CERS6: variants seen among roughly 807,000 people sequenced by gnomAD.
CERS6 encodes ceramide synthase 6, also known as LAG1 homolog, ceramide synthase 6.
Under a neutral mutation model 56.8 loss-of-function variants are expected in CERS6, and 26 were observed. The observed-to-expected ratio is 0.46, with a 90% CI of 0.34 to 0.63. The LOEUF is 0.63. CERS6 is among the 30% of genes least tolerant of loss of function. The probability of loss-of-function intolerance (pLI) is 0.01; values close to 1 mark genes in which losing one functional copy is unlikely to be tolerated. For synonymous variants in CERS6, 164 were observed against 173.3 expected (o/e 0.95, Z 0.42); for missense variants, 415 against 467.5 (o/e 0.89, Z 1.04).
chr2:168,526,717 C>T (rs1695078194), intron 1 of CERS6, among the ~76,000 whole-genome samples: 1 of 152,226 alleles, frequency 6.6e-6, no homozygotes, highest in African/African-American at 2.4e-5. Flanking sequence ...CTTCTTAATA[C>T]AAACAGTAAA....
intron 8 of CERS6, among the ~76,000 whole-genome samples, chr2:168,742,281 A>C (rs1683935766): frequency 6.6e-6 from 1 of 152,210 alleles, no homozygotes; most frequent in Admixed American, 6.5e-5. Flanking sequence ...GTTTTTGCTA[A>C]AACTAAAGTC....
intron 1 of CERS6, among the ~76,000 whole-genome samples, chr2:168,524,858 A>G (rs891878023): frequency 6.6e-6 from 1 of 151,290 alleles, no homozygotes; most frequent in African/African-American, 2.4e-5. Context: ...ATATTAATAT[A>G]TATTTTAACT....
At chr2:168,541,469 A>G (rs892982390) in intron 1 of CERS6, among the ~76,000 whole-genome samples, 3 of 137,476 alleles carry the variant, frequency 2.2e-5, no homozygotes, top group African/African-American at 8.1e-5. Flanking sequence ...TTATTTCTCC[A>G]TTTTTTCTTT....
At chr2:168,522,002 T>C (rs1694991799) in intron 1 of CERS6, among the ~76,000 whole-genome samples, 1 of 152,236 alleles carries the variant, frequency 6.6e-6, no homozygotes, top group South Asian at 2.1e-4. Context: ...TGTAGATGTA[T>C]TATCTTTAAG....
chr2:168,622,833 A>G (rs1684505213), intron 3 of CERS6, among the ~76,000 whole-genome samples: 1 of 152,250 alleles, frequency 6.6e-6, no homozygotes, highest in Non-Finnish European at 1.5e-5. Context: ...TAACCTGTCT[A>G]ACGGATGAGT....
chr2:168,555,719 A>ACTCT (rs201192319), intron 2 of CERS6, among the ~76,000 whole-genome samples: 18 of 86,312 alleles, frequency 2.1e-4, no homozygotes, highest in African/African-American at 1.1e-3. Context: ...AGTATAATTG[A>ACTCT]CTCTGTGTGT....
At chr2:168,492,468 T>G (rs964732487) in intron 1 of CERS6, among the ~76,000 whole-genome samples, 1 of 152,190 alleles carries the variant, frequency 6.6e-6, no homozygotes, top group African/African-American at 2.4e-5. Flanking sequence ...TGGGGTTGTT[T>G]TTTTCTTGTA....
intron 1 of CERS6, among the ~76,000 whole-genome samples, chr2:168,515,635 C>T (rs551161016): frequency 5.3e-4 from 76 of 144,638 alleles, no homozygotes; most frequent in African/African-American, 2.1e-3. Context: ...TAAAAGGAGA[C>T]TTTGACAAGT....
intron 8 of CERS6, among the ~76,000 whole-genome samples, chr2:168,744,664 A>G (rs943563436): frequency 4.6e-5 from 7 of 152,228 alleles, no homozygotes; most frequent in Non-Finnish European, 1.0e-4. Flanking sequence ...GAGGAGGAGG[A>G]CAAAATTTAA....
At chr2:168,672,844 G>C (rs764732506) in intron 4 of CERS6, among the ~76,000 whole-genome samples, 25 of 152,182 alleles carry the variant, frequency 1.6e-4, no homozygotes, top group Non-Finnish European at 3.4e-4. Context: ...AATTTTGGAA[G>C]ATGAGAAGCT....
At chr2:168,597,393 G>A (rs1329984389) in intron 3 of CERS6, among the ~76,000 whole-genome samples, 9 of 152,106 alleles carry the variant, frequency 5.9e-5, no homozygotes, top group Non-Finnish European at 1.2e-4. Context: ...CCATGGACAG[G>A]CCAGGGGTTC....
At chr2:168,547,039 A>G (rs539164965) in intron 1 of CERS6, among the ~76,000 whole-genome samples, 5 of 152,298 alleles carry the variant, frequency 3.3e-5, no homozygotes, top group East Asian at 3.9e-4. Context: ...GACATCCTTC[A>G]TTACTCTTTA....
intron 4 of CERS6, among the ~76,000 whole-genome samples, chr2:168,666,827 A>G (rs1049421387): frequency 6.6e-6 from 1 of 152,152 alleles, no homozygotes; most frequent in Non-Finnish European, 1.5e-5. Flanking sequence ...CCATATTCCA[A>G]TGCTGTGTAT....
chr2:168,549,092 A>T (rs1695518492), intron 2 of CERS6, among the ~76,000 whole-genome samples: 1 of 152,110 alleles, frequency 6.6e-6, no homozygotes, highest in African/African-American at 2.4e-5. Context: ...TGTAAGTGTG[A>T]TTATAACATA....
At chr2:168,723,751 C>T (rs1002998450) in intron 8 of CERS6, among the ~76,000 whole-genome samples, 4 of 152,202 alleles carry the variant, frequency 2.6e-5, no homozygotes, top group Non-Finnish European at 4.4e-5. Flanking sequence ...CATCTTCTCA[C>T]ATTTTACTAA....
intron 4 of CERS6, among the ~76,000 whole-genome samples, chr2:168,647,652 C>T (rs947286570): frequency 6.6e-6 from 1 of 152,158 alleles, no homozygotes; most frequent in Non-Finnish European, 1.5e-5. Context: ...GTGGGTTTGT[C>T]ATAGATGGCT....
At chr2:168,652,236 A>T (rs1005875436) in intron 4 of CERS6, among the ~76,000 whole-genome samples, 3 of 152,184 alleles carry the variant, frequency 2.0e-5, no homozygotes, top group African/African-American at 7.2e-5. Context: ...CACTAATTTC[A>T]TAATTTTCCC....
At chr2:168,513,380 T>C (rs1694829568) in intron 1 of CERS6, among the ~76,000 whole-genome samples, 1 of 152,220 alleles carries the variant, frequency 6.6e-6, no homozygotes, top group African/African-American at 2.4e-5. Flanking sequence ...AGGGTCCCAT[T>C]CAGAATACTA....
At chr2:168,534,595 C>T (rs928186203) in intron 1 of CERS6, among the ~76,000 whole-genome samples, 1 of 152,112 alleles carries the variant, frequency 6.6e-6, no homozygotes, top group African/African-American at 2.4e-5. Context: ...AGGATGGGTG[C>T]CTGCTCCTTC....
Sources: allele counts gnomAD v4.1 joint callset (sites outside exome capture counted in the v4.1 genomes callset), GRCh38; gene constraint gnomAD v4.1.1; transcripts MANE v1.5; gene names NCBI Gene and HGNC (gene_info 2026-07-23, HGNC 2026-07-21).